The following RCAN1 variants were observed in gnomAD, a reference collection of about 807,000 sequenced individuals.
The protein encoded by RCAN1 is calcipressin-1.
Under a neutral mutation model 22.9 loss-of-function variants are expected in RCAN1, and 11 were observed. That is an observed-to-expected ratio of 0.48 (90% CI 0.30 to 0.79). The LOEUF (loss-of-function observed/expected upper bound fraction) is 0.79, where lower values mean the gene tolerates loss of function less well. Ranked by LOEUF, RCAN1 falls within the 30% of genes least tolerant of loss-of-function variation. RCAN1 has a pLI of 0.06. For synonymous variants in RCAN1, 136 were observed against 142.3 expected, an observed-to-expected ratio of 0.96 and a Z score of 0.32; for missense variants, 291 against 337.8, an observed-to-expected ratio of 0.86 and a Z score of 1.09.
Position 34,518,681 on chromosome 21 carries a change from C to G in RCAN1, c.587-425G>C, listed in dbSNP as rs182666201. 1.3e-5 allele frequency among the ~76,000 whole-genome samples: 2 copies of G among 152,320 alleles called. No individual in the cohort carries two copies. Among genetic ancestry groups the G allele is most frequent in the Non-Finnish European group, 2.9e-5 (2 of 68,032 alleles). ...AACCCTGGGCCTCCCTCATGCAGCT[C>G]CTATTTGAGGGTCGCAGTGCACGCC... On this transcript the variant is annotated intron_variant, in intron 3 of 3. Transcript: ENST00000313806. This position sits in a 1 kb window ranked among gnomAD's most constrained non-coding sequence, Gnocchi z 4.2.
intron 1 of RCAN1, among the ~76,000 whole-genome samples, chr21:34,552,045 T>C (rs1037385509): frequency 1.3e-5 from 2 of 152,176 alleles, no homozygotes; most frequent in African/African-American, 4.8e-5. Flanking sequence ...CTATCAGGGT[T>C]CCTCTCCATC....
At chr21:34,534,883 C>T (rs1352236644) in intron 1 of RCAN1, among the ~76,000 whole-genome samples, 1 of 152,192 alleles carries the variant, frequency 6.6e-6, no homozygotes, top group Non-Finnish European at 1.5e-5. Context: ...CGCACCATCA[C>T]ATGGAGACTG....
intron 1 of RCAN1, among the ~76,000 whole-genome samples, chr21:34,543,876 C>T (rs1170284737): frequency 6.6e-6 from 1 of 152,198 alleles, no homozygotes; most frequent in Admixed American, 6.5e-5. Flanking sequence ...CCAAGATGAC[C>T]ACAGTGGCAC....
intron 1 of RCAN1, among the ~76,000 whole-genome samples, chr21:34,533,182 G>A (rs1053364396): frequency 5.3e-5 from 8 of 151,866 alleles, no homozygotes; most frequent in African/African-American, 1.5e-4. Flanking sequence ...GGATGGTCTT[G>A]ATCTCCTGAC....
chr21:34,580,848 T>G (rs1015166866), intron 1 of RCAN1, among the ~76,000 whole-genome samples: 3 of 152,154 alleles, frequency 2.0e-5, no homozygotes, highest in African/African-American at 7.2e-5. Context: ...CCTTGCAAAC[T>G]TTCTAGCACC....
chr21:34,525,830 C>T (rs888253456), intron 1 of RCAN1, among the ~76,000 whole-genome samples: 2 of 152,148 alleles, frequency 1.3e-5, no homozygotes, highest in Admixed American at 1.3e-4. Context: ...AGAATGTGCT[C>T]TGCAATCTAG....
At chr21:34,594,275 C>T (rs140595610) in intron 1 of RCAN1, among the ~76,000 whole-genome samples, 5 of 152,184 alleles carry the variant, frequency 3.3e-5, no homozygotes, top group Admixed American at 6.5e-5. Context: ...AAGGGTGGGC[C>T]GGGCGCGGTG....
intron 1 of RCAN1, among the ~76,000 whole-genome samples, chr21:34,595,433 G>C (rs1246926009): frequency 6.6e-6 from 1 of 152,220 alleles, no homozygotes; most frequent in Non-Finnish European, 1.5e-5. Context: ...TAGAATCCTA[G>C]TAATTTTGTG....
chr21:34,524,163 C>T (rs568590741), intron 1 of RCAN1: 15 of 154,798 alleles, frequency 9.7e-5, no homozygotes, highest in Non-Finnish European at 1.9e-4. Context: ...CCTTTCCCCT[C>T]TTAGGGGACT....
In RCAN1 at chr21:34,517,949, C is replaced by T; in HGVS notation, c.*135G>A. 9.4e-7 allele frequency: 1 copy of T among 1,067,580 alleles called. No individual in the cohort carries two copies. Among genetic ancestry groups the T allele is most frequent in the Non-Finnish European group, 1.4e-6 (1 of 721,030 alleles). 66.1% of individuals were successfully genotyped at this position (1,067,580 alleles called of 1,614,324 possible). A position where few individuals can be genotyped will look rare whatever the true frequency, so the allele number is the denominator to read the frequency against. Reference sequence around the variant, plus strand: ...AAGGGGACACGGCCTTGATTCTCTTCTGAGCAACATGAACTGGGATTTCTG... The same window carrying T: ...AAGGGGACACGGCCTTGATTCTCTTTTGAGCAACATGAACTGGGATTTCTG... On this transcript the variant is annotated 3_prime_UTR_variant, in exon 4 of 4. Coordinates refer to ENST00000313806, the MANE Select transcript of RCAN1 (RefSeq NM_004414.7).
At position 34,615,011 on chromosome 21, in the gene RCAN1, TC is replaced by T. The variant is rs1568938543; in HGVS notation, c.-1del. ...TGGGGACCGGCCACGCCGTCCTCCA[TC>T]CCCGCGCCCGCGCGACCCTGTGCGC... On this transcript the variant is annotated 5_prime_UTR_variant, in exon 1 of 4. Transcript: ENST00000313806. 1 of 1,061,720 alleles carries T rather than the reference TC, an allele frequency of 9.4e-7. No homozygotes were observed. The highest frequency in any genetic ancestry group is 1.1e-6 in the Non-Finnish European group (1 of 883,326). The allele number at this position is 1,061,720 out of a possible 1,614,324, so 65.8% of individuals were successfully genotyped here.
intron 1 of RCAN1, among the ~76,000 whole-genome samples, chr21:34,568,389 T>C (rs1017188149): frequency 2.0e-5 from 3 of 152,240 alleles, no homozygotes; most frequent in African/African-American, 7.2e-5. Flanking sequence ...TGACCTCAAA[T>C]GTTTTTTTAA....
At chr21:34,563,754 CAAAAAAAAA>C (rs58299654) in intron 1 of RCAN1, among the ~76,000 whole-genome samples, 3 of 44,314 alleles carry the variant, frequency 6.8e-5, no homozygotes, top group African/African-American at 3.0e-4. Context: ...CTAAAAATAC[CAAAAAAAAA>C]AAAAAAAATA....
chr21:34,606,767 G>C (rs1003203287), intron 1 of RCAN1, among the ~76,000 whole-genome samples: 1 of 152,140 alleles, frequency 6.6e-6, no homozygotes, highest in Non-Finnish European at 1.5e-5. Context: ...ACTGAGGAAA[G>C]ACCACGTAGG....
chr21:34,579,536 T>C (rs1987531989), intron 1 of RCAN1, among the ~76,000 whole-genome samples: 1 of 152,224 alleles, frequency 6.6e-6, no homozygotes, highest in African/African-American at 2.4e-5. Flanking sequence ...CCCACTGGAC[T>C]AAATGATTAC....
intron 1 of RCAN1, among the ~76,000 whole-genome samples, chr21:34,533,860 G>C (rs1022680783): frequency 6.6e-6 from 1 of 152,198 alleles, no homozygotes; most frequent in Non-Finnish European, 1.5e-5. Flanking sequence ...CTGGGGAACA[G>C]CATTCTGGCC....
intron 3 of RCAN1, among the ~76,000 whole-genome samples, chr21:34,520,027 T>C (rs1424078620): frequency 2.0e-5 from 3 of 152,166 alleles, no homozygotes; most frequent in African/African-American, 7.2e-5. Flanking sequence ...AAGTCTCTTA[T>C]CTACCTACTA....
chr21:34,592,534 C>T (rs1294825254), intron 1 of RCAN1, among the ~76,000 whole-genome samples: 1 of 152,174 alleles, frequency 6.6e-6, no homozygotes, highest in Non-Finnish European at 1.5e-5. Context: ...AAAGTAATAT[C>T]ATGGGCAGTT....
At chr21:34,528,393 T>G (rs1049545784) in intron 1 of RCAN1, among the ~76,000 whole-genome samples, 3 of 152,214 alleles carry the variant, frequency 2.0e-5, no homozygotes, top group African/African-American at 7.2e-5. Context: ...CTTTGCCAAA[T>G]TATCCATAAC....
Sources: allele counts gnomAD v4.1 joint callset (sites outside exome capture counted in the v4.1 genomes callset), GRCh38; gene constraint gnomAD v4.1.1; non-coding constraint Gnocchi (gnomAD v3.1); transcripts MANE v1.5; gene names NCBI Gene and HGNC (gene_info 2026-07-23, HGNC 2026-07-21).